ZNF521: variants seen among roughly 807,000 people sequenced by gnomAD.
The protein encoded by ZNF521 is zinc finger protein 521.
Under a neutral mutation model 105.5 loss-of-function variants are expected in ZNF521, and 14 were observed. The observed-to-expected ratio is 0.13, with a 90% CI of 0.09 to 0.21. ZNF521 has a LOEUF of 0.21. Ranked by LOEUF, ZNF521 falls within the 10% of genes least tolerant of loss-of-function variation. ZNF521 has a pLI of 1.00. For missense variants in ZNF521, 1,233 were observed against 1,629.7 expected (o/e 0.76, Z 4.19); for synonymous variants, 635 against 606.0 (o/e 1.05, Z -0.70).
chr18:25,165,501 T>C (rs1229599780), intron 5 of ZNF521, among the ~76,000 whole-genome samples: 7 of 152,210 alleles, frequency 4.6e-5, no homozygotes, highest in African/African-American at 1.7e-4. Flanking sequence ...GCAGCTCTGT[T>C]CTGTCCCACA....
intron 4 of ZNF521, among the ~76,000 whole-genome samples, chr18:25,203,156 T>C (rs1349507772): frequency 6.6e-6 from 1 of 152,182 alleles, no homozygotes; most frequent in African/African-American, 2.4e-5. Flanking sequence ...CTAAATGACA[T>C]GGCAAAGCAG....
chr18:25,224,895 T>G lies in ZNF521; in HGVS notation c.3023A>C (p.Gln1008Pro). 6.2e-7 allele frequency: 1 copy of G among 1,613,996 alleles called. No individual in the cohort carries two copies. Residue 1008 changes from glutamine (Q) to proline (P), a missense_variant, in exon 4 of 8, where the codon CAA (glutamine) becomes CCA (proline). Transcript: ENST00000361524. ...QSEEEFLEHC[Q>P]MHPDLRNSLT... ...GGAATTCCTCAAGTCAGGGTGCATT[T>G]GGCAATGCTCTAAAAACTCCTCTTC...
chr18:25,070,263 C>T (rs1599958898), intron 7 of ZNF521, among the ~76,000 whole-genome samples: 3 of 152,176 alleles, frequency 2.0e-5, no homozygotes, highest in Admixed American at 6.5e-5. Context: ...GAAACAATTT[C>T]GCATTCTAAT....
chr18:25,280,493 A>C (rs1449815467), intron 3 of ZNF521, among the ~76,000 whole-genome samples: 15 of 152,088 alleles, frequency 9.9e-5, no homozygotes, highest in Admixed American at 8.5e-4. Flanking sequence ...TTTCAGATGC[A>C]ATAATCATTA....
chr18:25,176,855 G>A (rs756547402), intron 5 of ZNF521, among the ~76,000 whole-genome samples: 2 of 152,312 alleles, frequency 1.3e-5, no homozygotes, highest in East Asian at 1.9e-4. Context: ...ACCAGCACAC[G>A]TGCGCGTGCA....
rs8099068 is a variant in ZNF521, at chr18:25,172,419, C to T, written c.3658+22741G>A. Among the ~76,000 whole-genome samples, 784 of 152,270 alleles carry T rather than the reference C, an allele frequency of 5.1e-3. 6 individuals carry two copies. Among genetic ancestry groups the T allele is most frequent in the African/African-American group, 0.018 (735 of 41,566 alleles). On this transcript the variant is annotated intron_variant, in intron 5 of 7. Coordinates refer to ENST00000361524, the MANE Select transcript of ZNF521 (RefSeq NM_015461.3). ...ATATGAGATAGTCCAGTCGAGTCCTCCATTTCAGTCATGACCTCTATGCTT... is the reference window on the plus strand; with the variant it reads ...ATATGAGATAGTCCAGTCGAGTCCTTCATTTCAGTCATGACCTCTATGCTT...
At chr18:25,202,680 A>C (rs1005227313) in intron 4 of ZNF521, 1 of 152,228 alleles carries the variant, frequency 6.6e-6, no homozygotes. Context: ...TAAGAGCAGT[A>C]GCACCAGTAT....
At chr18:25,299,071 A>G (rs550026526) in intron 3 of ZNF521, among the ~76,000 whole-genome samples, 1 of 152,334 alleles carries the variant, frequency 6.6e-6, no homozygotes, top group African/African-American at 2.4e-5. Flanking sequence ...CAATCTGGAG[A>G]TCACATGATC....
At chr18:25,340,248 G>A (rs1914121215) in intron 2 of ZNF521, among the ~76,000 whole-genome samples, 1 of 152,086 alleles carries the variant, frequency 6.6e-6, no homozygotes, top group Non-Finnish European at 1.5e-5. Flanking sequence ...TCAGCTACTA[G>A]GGAGGCTGAG....
At chr18:25,254,137 G>A (rs1161239568) in intron 3 of ZNF521, among the ~76,000 whole-genome samples, 1 of 152,082 alleles carries the variant, frequency 6.6e-6, no homozygotes, top group Admixed American at 6.6e-5. Context: ...TTCATTTTGG[G>A]TTCTAGGCTC....
chr18:25,313,335 C>CAA (rs34596950), intron 3 of ZNF521, among the ~76,000 whole-genome samples: 9,492 of 142,950 alleles, frequency 0.066, 427 homozygotes, highest in Non-Finnish European at 0.089. Context: ...AAGTTTTCTG[C>CAA]AAAAAAAAAA....
chr18:25,205,054 C>T (rs2036054824), intron 4 of ZNF521, among the ~76,000 whole-genome samples: 1 of 142,464 alleles, frequency 7.0e-6, no homozygotes, highest in Non-Finnish European at 1.5e-5. Flanking sequence ...TTTCTGCTTG[C>T]AAAACTGCCT....
At chr18:25,327,926 C>G (rs989839166) in intron 2 of ZNF521, among the ~76,000 whole-genome samples, 1 of 152,088 alleles carries the variant, frequency 6.6e-6, no homozygotes, top group Non-Finnish European at 1.5e-5. Flanking sequence ...TGAGCATCCC[C>G]GGAACCACAT....
At chr18:25,122,042 A>T (rs1488986937) in intron 5 of ZNF521, among the ~76,000 whole-genome samples, 8 of 152,226 alleles carry the variant, frequency 5.3e-5, no homozygotes, top group Non-Finnish European at 1.2e-4. Flanking sequence ...AAAAGACATT[A>T]AAAAAGCTAT....
chr18:25,265,933 C>A (rs561469673), intron 3 of ZNF521, among the ~76,000 whole-genome samples: 1 of 152,230 alleles, frequency 6.6e-6, no homozygotes, highest in East Asian at 1.9e-4. Context: ...ATAAGCCAGG[C>A]ACAGAAAGAC....
chr18:25,194,523 A>C (rs964394222), intron 5 of ZNF521, among the ~76,000 whole-genome samples: 1 of 151,730 alleles, frequency 6.6e-6, no homozygotes, highest in African/African-American at 2.4e-5. Context: ...CCATGTGATA[A>C]ATGCAAAATC....
At chr18:25,322,327 A>T (rs1912975583) in intron 2 of ZNF521, 140 bp from the exon 3 acceptor site, 2 of 858,550 alleles carry the variant, frequency 2.3e-6, no homozygotes, top group African/African-American at 1.6e-5. Context: ...ATTTTATTAC[A>T]GGAGAATCAA....
intron 2 of ZNF521, among the ~76,000 whole-genome samples, chr18:25,330,642 ATC>A (rs1729939352): frequency 6.6e-6 from 1 of 152,198 alleles, no homozygotes; most frequent in Non-Finnish European, 1.5e-5. Flanking sequence ...TGATTCTAAT[ATC>A]TCTTTCTTAT....
At chr18:25,156,261 G>A (rs992786077) in intron 5 of ZNF521, among the ~76,000 whole-genome samples, 1 of 152,156 alleles carries the variant, frequency 6.6e-6, no homozygotes. Context: ...AAATGGACTT[G>A]TTTAATGCCA....
Sources: gnomAD v4.1 joint callset for allele counts (sites outside exome capture counted in the v4.1 genomes callset) on GRCh38, gnomAD v4.1.1 for gene constraint, MANE v1.5 for transcripts, NCBI Gene and HGNC (gene_info 2026-07-23, HGNC 2026-07-21) for gene names.